The following CNTLN variants were observed in gnomAD, a reference collection of about 807,000 sequenced individuals.
The protein encoded by CNTLN is centlein.
Under a neutral mutation model 180.0 loss-of-function variants are expected in CNTLN, and 212 were observed. The ratio of observed to expected loss-of-function variants is 1.18; its 90% CI spans 1.05 to 1.32. The LOEUF (loss-of-function observed/expected upper bound fraction) is 1.32. Ranked by LOEUF, CNTLN falls within the 40% of genes most tolerant of loss-of-function variation. The probability of loss-of-function intolerance (pLI) is 0.00; values close to 1 mark genes in which losing one functional copy is unlikely to be tolerated. For synonymous variants in CNTLN, 722 were observed against 563.1 expected, an observed-to-expected ratio of 1.28 and a Z score of -3.99; for missense variants, 2,095 against 1,610.9, an observed-to-expected ratio of 1.30 and a Z score of -5.14.
At chr9:17,356,992 G>GTA (rs1449633964) in intron 12 of CNTLN, among the ~76,000 whole-genome samples, 101 of 151,906 alleles carry the variant, frequency 6.6e-4, no homozygotes, top group African/African-American at 2.2e-3. Flanking sequence ...GTGTGTGTGT[G>GTA]TATATATACA....
chr9:17,520,618 T>C, the CNTLN span, among the ~76,000 whole-genome samples: 1 of 152,226 alleles, frequency 6.6e-6, no homozygotes, highest in Non-Finnish European at 1.5e-5. Context: ...GCATAGTTAA[T>C]TACACATGAA....
In CNTLN at chr9:17,468,103, A is replaced by C. The variant is rs190552809; in HGVS notation, c.3855+1212A>C. Among the ~76,000 whole-genome samples the C allele has an allele frequency of 2.5e-4, 38 of 151,768 alleles. No homozygotes were observed. The East Asian group carries it at 7.1e-3, about 29-fold the overall frequency. On this transcript the variant is annotated intron_variant, in intron 23 of 25. Coordinates refer to ENST00000380647, the MANE Select transcript of CNTLN (RefSeq NM_017738.4). Reference sequence around the variant, plus strand: ...AAGTCCTTTGCAGCAACTTGAATGGAGCTGGAGGCCATTATCCTAAGTGAA... The same window carrying C: ...AAGTCCTTTGCAGCAACTTGAATGGCGCTGGAGGCCATTATCCTAAGTGAA...
intron 2 of CNTLN, among the ~76,000 whole-genome samples, chr9:17,223,312 C>T (rs1354122985): frequency 6.6e-6 from 1 of 151,956 alleles, no homozygotes; most frequent in African/African-American, 2.4e-5. Context: ...GGGGGAACTA[C>T]GGTATTTGGA....
At chr9:17,514,750 T>C in the CNTLN span, among the ~76,000 whole-genome samples, 4 of 152,342 alleles carry the variant, frequency 2.6e-5, no homozygotes, top group South Asian at 8.3e-4. Context: ...GCAATATTAA[T>C]GCTTACTGTG....
At chr9:17,364,115 C>A (rs993860417) in intron 12 of CNTLN, among the ~76,000 whole-genome samples, 18 of 152,092 alleles carry the variant, frequency 1.2e-4, no homozygotes, top group African/African-American at 4.1e-4. Context: ...ACTCTTCTTG[C>A]AATTTTTTGA....
chr9:17,527,166 AG>A, the CNTLN span, among the ~76,000 whole-genome samples: 2 of 152,080 alleles, frequency 1.3e-5, no homozygotes, highest in African/African-American at 4.8e-5. Context: ...TACAGGTATG[AG>A]CCACCGTGCC....
rs779955073 is a variant in CNTLN at position 17,466,017 on chromosome 9, G to A, written c.3568G>A (p.Val1190Ile). 1.2e-6 allele frequency: 2 copies of A among 1,605,406 alleles called. No individual in the cohort carries two copies. Among genetic ancestry groups the A allele is most frequent in the Non-Finnish European group, 1.7e-6 (2 of 1,173,974 alleles). ...TLTEECSNKK[V>I]SIDSLKQRLN... ...AACTGAAGAATGTTCCAACAAGAAG[G>A]TATCAATTGATTCACTAAAGCAAAG... The change falls in exon 22 of 26, where the codon GTA becomes ATA. Residue 1190 changes from valine to isoleucine, a missense_variant. Coordinates refer to ENST00000380647, the MANE Select transcript of CNTLN (RefSeq NM_017738.4).
rs57706034 is a variant in CNTLN, at chr9:17,279,934, G to A, written c.983+6068G>A. ...AATGCGACTGTTGGCCTTATAAGAC[G>A]AAGAGAGACCTGAGCTAGTATGCTC... On this transcript the variant is annotated intron_variant, in intron 6 of 25. Coordinates refer to ENST00000380647, the MANE Select transcript of CNTLN (RefSeq NM_017738.4). Among the ~76,000 whole-genome samples, 2,812 of 152,168 alleles carry A rather than the reference G, an allele frequency of 0.018. 178 individuals are homozygous for A. In the East Asian group the frequency reaches 0.25, roughly 13 times the overall value.
At position 17,503,734 on chromosome 9, in the gene CNTLN, G is replaced by A. The variant is rs963667797; in HGVS notation, c.*1082G>A. 1 of 152,544 alleles carries A rather than the reference G, an allele frequency of 6.6e-6. No individual in the cohort carries two copies. The highest frequency in any genetic ancestry group is 2.4e-5 in the African/African-American group (1 of 41,392). The allele number at this position is 152,544 out of a possible 1,614,324, so 9.4% of individuals were successfully genotyped here. ...GTAGGTCCCATGAGATTAAGGCAAG[G>A]GTTGGCAGATTATAGCCTGCAGGGC... On this transcript the variant is annotated 3_prime_UTR_variant, in exon 26 of 26. Transcript: ENST00000380647.
intron 2 of CNTLN, among the ~76,000 whole-genome samples, chr9:17,149,518 T>C (rs1223400215): frequency 3.5e-5 from 5 of 143,136 alleles, no homozygotes; most frequent in Non-Finnish European, 6.1e-5. Flanking sequence ...CTTTCTTTTT[T>C]TTTTTTTTTT....
intron 23 of CNTLN, among the ~76,000 whole-genome samples, chr9:17,471,968 G>A (rs534614323): frequency 6.6e-6 from 1 of 152,012 alleles, no homozygotes; most frequent in African/African-American, 2.4e-5. Flanking sequence ...ATGGGTGGAA[G>A]GTAAAACATT....
chr9:17,309,324 C>T, intron 8 of CNTLN, 72 bp downstream of exon 8: 1 of 1,231,842 alleles, frequency 8.1e-7, no homozygotes, highest in Non-Finnish European at 1.1e-6. Context: ...TTGACTAAAA[C>T]ATAAAAATTT....
intron 6 of CNTLN, among the ~76,000 whole-genome samples, chr9:17,274,335 T>C (rs1331435790): frequency 1.3e-5 from 2 of 152,048 alleles, no homozygotes; most frequent in Non-Finnish European, 2.9e-5. Context: ...CACGATACTC[T>C]TGTATTTCTG....
At chr9:17,392,841 G>T (rs1389530100) in intron 14 of CNTLN, among the ~76,000 whole-genome samples, 1 of 151,614 alleles carries the variant, frequency 6.6e-6, no homozygotes, top group East Asian at 1.9e-4. Context: ...AATCAGACAT[G>T]ACTGAAATTC....
intron 14 of CNTLN, among the ~76,000 whole-genome samples, chr9:17,392,485 C>T (rs1268981820): frequency 6.6e-6 from 1 of 152,072 alleles, no homozygotes; most frequent in African/African-American, 2.4e-5. Flanking sequence ...TTCTTGAACA[C>T]TGTATTTTTT....
chr9:17,319,129 C>G (rs1378601902), intron 8 of CNTLN, among the ~76,000 whole-genome samples: 1 of 152,138 alleles, frequency 6.6e-6, no homozygotes, highest in Non-Finnish European at 1.5e-5. Context: ...GAGAAAACAA[C>G]GTATGTCATT....
chr9:17,156,611 T>C (rs772289981), intron 2 of CNTLN, among the ~76,000 whole-genome samples: 1 of 152,190 alleles, frequency 6.6e-6, no homozygotes, highest in African/African-American at 2.4e-5. Context: ...ATAGTTGCCA[T>C]AAATAGGATC....
chr9:17,262,977 G>C (rs1356368732), intron 5 of CNTLN, among the ~76,000 whole-genome samples: 1 of 150,992 alleles, frequency 6.6e-6, no homozygotes, highest in Non-Finnish European at 1.5e-5. Flanking sequence ...ATATGGTTTT[G>C]TTTTTAATTC....
At position 17,433,308 on chromosome 9, in the gene CNTLN, G is replaced by A. The variant is rs1829542117; in HGVS notation, c.3114+17119G>A. On this transcript the variant is annotated intron_variant, in intron 18 of 25. Transcript: ENST00000380647. ...TAGCTTTCTTTTTTTTTTTTGAAAT[G>A]GAGTCTCGTTCTGTCGCCCAAGCTG... 4.0e-5 allele frequency among the ~76,000 whole-genome samples: 6 copies of A among 148,846 alleles called. No homozygotes were observed. In the South Asian group the frequency reaches 1.3e-3, roughly 32 times the overall value.
Sources: allele counts gnomAD v4.1 joint callset (sites outside exome capture counted in the v4.1 genomes callset), GRCh38; gene constraint gnomAD v4.1.1; transcripts MANE v1.5; gene names NCBI Gene and HGNC (gene_info 2026-07-23, HGNC 2026-07-21).